STIM1: variants seen among roughly 807,000 people sequenced by gnomAD.
STIM1 encodes stromal interaction molecule 1.
In STIM1, 25 loss-of-function variants were observed where a neutral mutation model predicts 74.7. The ratio of observed to expected loss-of-function variants is 0.33; its 90% CI spans 0.24 to 0.47. The LOEUF (loss-of-function observed/expected upper bound fraction) is 0.47. Among genes scored for constraint, STIM1 ranks in the 20% least tolerant of loss-of-function variants. The pLI, the probability that STIM1 is intolerant of heterozygous loss-of-function variation, is 1.00. For missense variants in STIM1, 728 were observed against 920.8 expected (o/e 0.79, Z 2.71); for synonymous variants, 328 against 348.8 (o/e 0.94, Z 0.66).
chr11:3,923,698 C>T (rs6578421), intron 1 of STIM1, among the ~76,000 whole-genome samples: 1 of 151,376 alleles, frequency 6.6e-6, no homozygotes, highest in Non-Finnish European at 1.5e-5. Flanking sequence ...TGTTTCCACA[C>T]TCTCTATTCT....
At chr11:4,071,339 A>T (rs1370259571) in intron 6 of STIM1, among the ~76,000 whole-genome samples, 1 of 151,914 alleles carries the variant, frequency 6.6e-6, no homozygotes, top group African/African-American at 2.4e-5. Context: ...CTTTTCATTT[A>T]TTTCTATTTA....
intron 1 of STIM1, among the ~76,000 whole-genome samples, chr11:3,872,784 G>T (rs1451944406): frequency 6.6e-6 from 1 of 151,984 alleles, no homozygotes; most frequent in Non-Finnish European, 1.5e-5. Flanking sequence ...GCCTCTCAAA[G>T]TGCTAGGATT....
intron 12 of STIM1, chr11:4,089,056 A>T (rs1367059123): frequency 6.9e-6 from 2 of 291,000 alleles, no homozygotes; most frequent in African/African-American, 2.2e-5. Flanking sequence ...ACAAAGTGAG[A>T]CCCTGTCTCT....
chr11:3,920,055 G>A (rs1381511736), intron 1 of STIM1, among the ~76,000 whole-genome samples: 2 of 151,988 alleles, frequency 1.3e-5, no homozygotes, highest in African/African-American at 4.8e-5. Flanking sequence ...TCTAGCCTGA[G>A]TAGCAGAGCA....
At chr11:3,942,895 C>G (rs1209196685) in intron 1 of STIM1, among the ~76,000 whole-genome samples, 1 of 152,154 alleles carries the variant, frequency 6.6e-6, no homozygotes, top group Non-Finnish European at 1.5e-5. Context: ...GGTAGAGAAA[C>G]CTCTTGTAGA....
rs115093456 is a variant in STIM1, at chr11:4,041,190, G to A, written c.386-14336G>A. Reference sequence around the variant, plus strand: ...TTCTGTCAGTCACTCCTTTCTCTGTGCTCCCACATCACCTTATATATCCCT... The same window carrying A: ...TTCTGTCAGTCACTCCTTTCTCTGTACTCCCACATCACCTTATATATCCCT... On this transcript the variant is annotated intron_variant, in intron 3 of 12. Transcript: ENST00000526596. Among the ~76,000 whole-genome samples, 639 of 152,232 alleles carry A rather than the reference G, an allele frequency of 4.2e-3. 2 individuals are homozygous for A. The highest frequency in any genetic ancestry group is 0.014 in the African/African-American group (578 of 41,532).
intron 1 of STIM1, chr11:3,922,712 C>G (rs1382399259): frequency 5.0e-6 from 1 of 198,316 alleles, no homozygotes; most frequent in Non-Finnish European, 1.1e-5. Context: ...CGTTCAGTCC[C>G]TGGGCAGGAA....
At chr11:4,067,883 A>G (rs971294518) in intron 5 of STIM1, among the ~76,000 whole-genome samples, 1 of 152,208 alleles carries the variant, frequency 6.6e-6, no homozygotes, top group Non-Finnish European at 1.5e-5. Context: ...GGTTGATGTT[A>G]TGCTGTGCAC....
intron 1 of STIM1, among the ~76,000 whole-genome samples, chr11:3,907,616 G>A (rs1032454674): frequency 2.6e-5 from 4 of 152,090 alleles, no homozygotes; most frequent in African/African-American, 4.8e-5. Flanking sequence ...ACAGGAAGCC[G>A]GAGTGATCCT....
chr11:3,895,682 C>CTT (rs1491345529), intron 1 of STIM1, among the ~76,000 whole-genome samples: 1 of 42,574 alleles, frequency 2.3e-5, no homozygotes, highest in African/African-American at 1.3e-4. Context: ...TTCCTTCCTT[C>CTT]CTTCTTTCTT....
chr11:4,005,034 T>C (rs2093763306), intron 2 of STIM1, among the ~76,000 whole-genome samples: 2 of 152,138 alleles, frequency 1.3e-5, no homozygotes. Flanking sequence ...CACAATGAGA[T>C]AGCATCTCAC....
At chr11:3,944,799 A>G (rs2135628601) in intron 1 of STIM1, among the ~76,000 whole-genome samples, 1 of 152,348 alleles carries the variant, frequency 6.6e-6, no homozygotes, top group Non-Finnish European at 1.5e-5. Flanking sequence ...TAATCAGAGC[A>G]GGAGTGTAGT....
At chr11:3,938,826 G>A (rs1049436511) in intron 1 of STIM1, among the ~76,000 whole-genome samples, 2 of 152,196 alleles carry the variant, frequency 1.3e-5, no homozygotes, top group African/African-American at 4.8e-5. Context: ...CAGCCTGGGT[G>A]ACAGGGCACG....
chr11:3,951,791 T>G (rs2093151776), intron 1 of STIM1, among the ~76,000 whole-genome samples: 2 of 152,062 alleles, frequency 1.3e-5, no homozygotes, highest in Non-Finnish European at 2.9e-5. Context: ...CCATTTGAGG[T>G]GTCTGTAATT....
chr11:3,918,754 G>A (rs1014568608), intron 1 of STIM1, among the ~76,000 whole-genome samples: 4 of 152,068 alleles, frequency 2.6e-5, no homozygotes, highest in African/African-American at 7.2e-5. Context: ...GAACCATGTG[G>A]ATCGAGAACA....
intron 3 of STIM1, among the ~76,000 whole-genome samples, chr11:4,043,146 T>C (rs1395607216): frequency 1.3e-5 from 2 of 152,204 alleles, no homozygotes; most frequent in East Asian, 1.9e-4. Context: ...TTTTGTAATA[T>C]ATCCTAAAAT....
At chr11:3,861,295 C>T (rs1353457016) in intron 1 of STIM1, among the ~76,000 whole-genome samples, 1 of 151,066 alleles carries the variant, frequency 6.6e-6, no homozygotes, top group Non-Finnish European at 1.5e-5. Context: ...GTGCAGTGGC[C>T]CGATCTCAGC....
intron 1 of STIM1, among the ~76,000 whole-genome samples, chr11:3,947,100 G>GTTTT (rs57701004): frequency 4.3e-5 from 6 of 139,342 alleles, no homozygotes; most frequent in Admixed American, 7.1e-5. Context: ...CATTCTTAGT[G>GTTTT]TTTTTTTTTT....
chr11:3,950,066 C>CT (rs776171325), intron 1 of STIM1, among the ~76,000 whole-genome samples: 8 of 151,268 alleles, frequency 5.3e-5, no homozygotes, highest in Non-Finnish European at 7.4e-5. Flanking sequence ...TGGCTTCTTT[C>CT]TTTTTTTTCT....
Sources: allele counts gnomAD v4.1 joint callset (sites outside exome capture counted in the v4.1 genomes callset), GRCh38; gene constraint gnomAD v4.1.1; transcripts MANE v1.5; gene names NCBI Gene and HGNC (gene_info 2026-07-23, HGNC 2026-07-21).